IMMT: variants seen among roughly 807,000 people sequenced by gnomAD.
IMMT encodes the protein inner membrane mitochondrial protein, also known as MICOS complex subunit MIC60.
A neutral mutation model predicts 92.7 loss-of-function variants in IMMT; 40 were observed. The ratio of observed to expected loss-of-function variants is 0.43; its 90% CI spans 0.34 to 0.56. The LOEUF (loss-of-function observed/expected upper bound fraction) is 0.56, where lower values mean the gene tolerates loss of function less well. IMMT is among the 20% of genes least tolerant of loss of function. The pLI is 0.03. For missense variants in IMMT, 831 were observed against 912.1 expected (o/e 0.91, Z 1.14); for synonymous variants, 322 against 336.1 (o/e 0.96, Z 0.46).
intron 12 of IMMT, among the ~76,000 whole-genome samples, chr2:86,149,175 G>A (rs1037677853): frequency 6.6e-6 from 1 of 152,178 alleles, no homozygotes. Context: ...TGGACTGAAG[G>A]GATAGGAAAT....
At chr2:86,151,037 C>A (rs1463272960) in intron 12 of IMMT, among the ~76,000 whole-genome samples, 2 of 152,018 alleles carry the variant, frequency 1.3e-5, no homozygotes, top group Non-Finnish European at 2.9e-5. Flanking sequence ...CTGCCTCAGC[C>A]TTCCGAGTAG....
intron 11 of IMMT, among the ~76,000 whole-genome samples, chr2:86,152,106 A>C (rs947146519): frequency 1.3e-5 from 2 of 152,268 alleles, no homozygotes; most frequent in Admixed American, 1.3e-4. Flanking sequence ...TTTTTTTTAA[A>C]ATCTCAATCC....
At chr2:86,183,308 A>ATT (rs113518713) in intron 1 of IMMT, among the ~76,000 whole-genome samples, 1 of 151,838 alleles carries the variant, frequency 6.6e-6, no homozygotes, top group African/African-American at 2.4e-5. Context: ...TCTTTAAATA[A>ATT]TTTTTTTTGT....
At chr2:86,162,822 G>A (rs1444660094) in intron 7 of IMMT, among the ~76,000 whole-genome samples, 3 of 151,936 alleles carry the variant, frequency 2.0e-5, no homozygotes, top group Admixed American at 6.6e-5. Context: ...CCAGCCTGGC[G>A]ACAGAGAAAG....
chr2:86,195,445 A>G lies in IMMT; in HGVS notation c.-63T>C. 6.6e-7 allele frequency: 1 copy of G among 1,523,390 alleles called. No individual in the cohort carries two copies. The highest frequency in any genetic ancestry group is 8.8e-7 in the Non-Finnish European group (1 of 1,130,376). The allele number at this position is 1,523,390 out of a possible 1,614,324, so 94.4% of individuals were successfully genotyped here. On this transcript the variant is annotated 5_prime_UTR_variant, in exon 1 of 15. Transcript: ENST00000410111. The stretch of plus-strand genomic sequence containing the variant: ...TGCCGCGGCGGCGCGAGTTAAGTGG[A>G]GGCGTGCTTGCGTGTGTGCGTGCCC...
intron 6 of IMMT, among the ~76,000 whole-genome samples, chr2:86,167,945 CT>C (rs951541135): frequency 5.3e-5 from 8 of 152,098 alleles, no homozygotes; most frequent in African/African-American, 1.9e-4. Context: ...AATCCATCAG[CT>C]TTCTTCATTT....
At position 86,144,082 on chromosome 2, in the gene IMMT, T is replaced by G. The variant is rs1674805699; in HGVS notation, c.*186A>C. ...GTTACACAAGTTGCAAAGAAAGCAC[T>G]CCTGGCGTTCACTGACATGATAGCA... On this transcript the variant is annotated 3_prime_UTR_variant, in exon 15 of 15. Transcript: ENST00000410111. 1 of 670,820 alleles carries G rather than the reference T, an allele frequency of 1.5e-6. No individual in the cohort carries two copies. Among genetic ancestry groups the G allele is most frequent in the Non-Finnish European group, 2.5e-6 (1 of 402,618 alleles). The allele number at this position is 670,820 out of a possible 1,614,324, so 41.6% of individuals were successfully genotyped here. A position where few individuals can be genotyped will look rare whatever the true frequency, so the allele number is the denominator to read the frequency against.
chr2:86,178,720 A>G (rs918678448), intron 3 of IMMT, among the ~76,000 whole-genome samples: 11 of 152,194 alleles, frequency 7.2e-5, no homozygotes, highest in African/African-American at 2.4e-4. Context: ...TAGGTTCTAC[A>G]TCCATAGATT....
chr2:86,179,308 T>C (rs1347590838), intron 3 of IMMT, 125 bp downstream of exon 3: 1 of 715,952 alleles, frequency 1.4e-6, no homozygotes, highest in East Asian at 2.8e-5. Flanking sequence ...GGGATTTTTG[T>C]ATCCACAGGA....
intron 14 of IMMT, 116 bp from the exon 15 acceptor site, chr2:86,144,997 G>C: frequency 7.9e-7 from 1 of 1,258,362 alleles, no homozygotes; most frequent in Non-Finnish European, 1.1e-6. Context: ...TGAGGCCAGA[G>C]AGACTTTCTT....
intron 12 of IMMT, among the ~76,000 whole-genome samples, chr2:86,148,184 A>C (rs1242729979): frequency 2.6e-5 from 4 of 152,242 alleles, no homozygotes; most frequent in African/African-American, 7.2e-5. Flanking sequence ...ATATGAAAAA[A>C]AGTAACTATA....
Position 86,195,373 on chromosome 2 carries a change from C to T in IMMT, c.10G>A (p.Ala4Thr). 1.9e-6 allele frequency: 3 copies of T among 1,549,498 alleles called. No homozygotes were observed. The highest frequency in any genetic ancestry group is 2.6e-6 in the Non-Finnish European group (3 of 1,146,470). Residue 4 changes from alanine to threonine, a missense_variant, in exon 1 of 15, where the codon GCC becomes ACC. By Grantham distance (58) the Ala-to-Thr change is moderately conservative. Transcript: ENST00000410111. Reference sequence around the variant, plus strand: ...GCGGTCACACCCGATAACTGACAGGCCCGCAGCATCTCGGTCAAGCGGACG... The same window carrying T: ...GCGGTCACACCCGATAACTGACAGGTCCGCAGCATCTCGGTCAAGCGGACG... The part of the protein sequence containing the change: MLR[A>T]CQLSGVTAAA...
intron 1 of IMMT, among the ~76,000 whole-genome samples, chr2:86,189,022 A>G (rs893837125): frequency 6.6e-6 from 1 of 152,166 alleles, no homozygotes; most frequent in African/African-American, 2.4e-5. Context: ...GTACTAAACT[A>G]TTAACATAAA....
In IMMT at chr2:86,166,618, G is replaced by C. The variant is rs369782661; in HGVS notation, c.682C>G (p.Leu228Val). 9.6e-5 allele frequency: 155 copies of C among 1,612,358 alleles called. 3 individuals carry two copies. The South Asian group carries it at 1.6e-3, about 17-fold the overall frequency. Residue 228 changes from leucine to valine, a missense_variant, in exon 7 of 15, where the codon CTG (leucine) becomes GTG (valine). Leu to Val is a conservative substitution (Grantham distance 32, BLOSUM62 1). Transcript: ENST00000410111. ...ESLAKSLEDA[L>V]RQTASVTLQA... ...AGAGTGACACTTGCAGTTTGCCTCAGAGCATCTTCTAAGCTCTTGGCTAGA... is the reference window on the plus strand; with the variant it reads ...AGAGTGACACTTGCAGTTTGCCTCACAGCATCTTCTAAGCTCTTGGCTAGA...
At chr2:86,189,101 A>G (rs1166058584) in intron 1 of IMMT, among the ~76,000 whole-genome samples, 1 of 152,202 alleles carries the variant, frequency 6.6e-6, no homozygotes. Flanking sequence ...TTTATTAATA[A>G]GGACCTATGA....
chr2:86,171,207 C>T lies in IMMT; in HGVS notation c.559+1G>A, dbSNP rs1167323062. 1.3e-6 allele frequency: 2 copies of T among 1,583,186 alleles called. No individual in the cohort carries two copies. The highest frequency in any genetic ancestry group is 1.7e-6 in the Non-Finnish European group (2 of 1,163,668). On this transcript the variant is annotated splice_donor_variant, in intron 5 of 14. Transcript: ENST00000410111. LOFTEE classifies it high-confidence loss of function. The stretch of plus-strand genomic sequence containing the variant: ...AGAACAAATAGAAATAATTAAATTA[C>T]CTGAAAGTGCAGGTGTGGGTTTTCC...
chr2:86,156,856 A>C (rs965547059), intron 10 of IMMT, among the ~76,000 whole-genome samples: 1 of 152,198 alleles, frequency 6.6e-6, no homozygotes, highest in Non-Finnish European at 1.5e-5. Flanking sequence ...ATTTATGCCA[A>C]GGAGCTTACA....
At chr2:86,152,392 A>C (rs1675520266) in intron 11 of IMMT, among the ~76,000 whole-genome samples, 1 of 142,984 alleles carries the variant, frequency 7.0e-6, no homozygotes, top group South Asian at 2.2e-4. Flanking sequence ...AGTGAGCCGA[A>C]ATTGCGCCAC....
chr2:86,156,652 A>G (rs1306599087), intron 10 of IMMT, among the ~76,000 whole-genome samples: 1 of 152,088 alleles, frequency 6.6e-6, no homozygotes, highest in Non-Finnish European at 1.5e-5. Flanking sequence ...GAAAAAAAGC[A>G]AAAGTTAAAA....
Sources: gnomAD v4.1 joint callset for allele counts (sites outside exome capture counted in the v4.1 genomes callset) on GRCh38, gnomAD v4.1.1 for gene constraint, MANE v1.5 for transcripts, NCBI Gene and HGNC (gene_info 2026-07-23, HGNC 2026-07-21) for gene names.